The following NFIB variants were observed in gnomAD, a reference collection of about 807,000 sequenced individuals.
NFIB encodes nuclear factor 1 B-type.
A neutral mutation model predicts 61.5 loss-of-function variants in NFIB; 11 were observed. That is an observed-to-expected ratio of 0.18 (90% CI 0.11 to 0.30). NFIB has a LOEUF of 0.30. Ranked by LOEUF, NFIB falls within the 10% of genes least tolerant of loss-of-function variation. The pLI is 1.00. For synonymous variants in NFIB, 260 were observed against 216.5 expected (o/e 1.20, Z -1.76); for missense variants, 471 against 608.9 (o/e 0.77, Z 2.38).
chr9:14,187,444 T>C (rs551171046), intron 2 of NFIB, among the ~76,000 whole-genome samples: 2 of 152,330 alleles, frequency 1.3e-5, no homozygotes, highest in South Asian at 4.1e-4. Context: ...TTGTTTAACA[T>C]TGATTTTAAA....
At chr9:14,097,012 C>T (rs75832364) in intron 10 of NFIB, among the ~76,000 whole-genome samples, 2,681 of 152,170 alleles carry the variant, frequency 0.018, 32 homozygotes, top group Middle Eastern at 0.054. Flanking sequence ...GGCAAAACTA[C>T]GACAAATCCC....
intron 2 of NFIB, among the ~76,000 whole-genome samples, chr9:14,205,517 A>G (rs981069420): frequency 5.9e-5 from 9 of 152,002 alleles, no homozygotes; most frequent in Non-Finnish European, 1.3e-4. Flanking sequence ...CTATGTTCAC[A>G]GCAGCCAAAT....
the NFIB span, among the ~76,000 whole-genome samples, chr9:14,456,014 T>C: frequency 0.38 from 57,260 of 151,932 alleles, 11,579 homozygotes; most frequent in African/African-American, 0.51. Context: ...TTCATTTGGA[T>C]TGGCATCTGC....
intron 2 of NFIB, among the ~76,000 whole-genome samples, chr9:14,265,035 G>A (rs374123588): frequency 1.3e-5 from 2 of 152,104 alleles, no homozygotes; most frequent in African/African-American, 2.4e-5. Context: ...AACATGAGAC[G>A]CTCTGCAAGA....
In NFIB at chr9:14,082,858, C is replaced by G. The variant is rs1307149712; in HGVS notation, c.*5451G>C. On this transcript the variant is annotated 3_prime_UTR_variant, in exon 11 of 11. Coordinates refer to ENST00000380953, the MANE Select transcript of NFIB (RefSeq NM_001190737.2). Reference sequence around the variant, plus strand: ...GTCCCTGTAGCACAGTTTTCAAAACCATTCTGTCAAAAATACAGTAATACA... The same window carrying G: ...GTCCCTGTAGCACAGTTTTCAAAACGATTCTGTCAAAAATACAGTAATACA... 2 of 205,712 alleles carry G rather than the reference C, an allele frequency of 9.7e-6. No homozygotes were observed. The highest frequency in any genetic ancestry group is 1.9e-4 in the South Asian group (1 of 5,230). 12.7% of individuals were successfully genotyped at this position (205,712 alleles called of 1,614,324 possible).
At chr9:14,204,596 C>T (rs977127818) in intron 2 of NFIB, 35 of 1,070,662 alleles carry the variant, frequency 3.3e-5, no homozygotes, top group Non-Finnish European at 4.5e-5. Flanking sequence ...GCTGTTGGCC[C>T]GGGCGGAGAA....
chr9:14,458,248 A>G, the NFIB span, among the ~76,000 whole-genome samples: 2 of 152,260 alleles, frequency 1.3e-5, no homozygotes, highest in Non-Finnish European at 2.9e-5. Flanking sequence ...GCATATAAAC[A>G]GAACCAGTGA....
the NFIB span, among the ~76,000 whole-genome samples, chr9:14,474,389 A>T: frequency 6.6e-6 from 1 of 152,146 alleles, no homozygotes; most frequent in Non-Finnish European, 1.5e-5. Flanking sequence ...TCAAAACCTA[A>T]TCACCCCCCA....
chr9:14,446,282 T>C, the NFIB span, among the ~76,000 whole-genome samples: 5 of 152,224 alleles, frequency 3.3e-5, no homozygotes, highest in East Asian at 1.9e-4. Flanking sequence ...GTTGGAACAT[T>C]GTATCAGTTC....
chr9:14,443,439 C>G, the NFIB span, among the ~76,000 whole-genome samples: 7 of 152,172 alleles, frequency 4.6e-5, no homozygotes, highest in African/African-American at 1.7e-4. Context: ...TCAGGTGTCT[C>G]CCACCCACCT....
In NFIB at chr9:14,237,810, G is replaced by GTGTA. The variant is rs1563932587; in HGVS notation, c.563-58031_563-58030insTACA. ...TGTGTGTGTGTGTGTGTGTGTGTGT[G>GTGTA]TGTGTAAGCTCCTCACCCTGCTAGG... On this transcript the variant is annotated intron_variant, in intron 2 of 10. Coordinates refer to ENST00000380953, the MANE Select transcript of NFIB (RefSeq NM_001190737.2). Among the ~76,000 whole-genome samples the GTGTA allele has an allele frequency of 2.9e-5, 3 of 101,958 alleles. 1 individual carries two copies. Among genetic ancestry groups the GTGTA allele is most frequent in the African/African-American group, 7.4e-5 (2 of 27,028 alleles). 66.9% of individuals were successfully genotyped at this position (101,958 alleles called of 152,430 possible).
intron 2 of NFIB, among the ~76,000 whole-genome samples, chr9:14,184,783 G>T (rs545900349): frequency 6.6e-6 from 1 of 152,250 alleles, no homozygotes; most frequent in East Asian, 1.9e-4. Flanking sequence ...CACTTTTGGA[G>T]GCTGAGGCAG....
At chr9:14,510,395 T>C in the NFIB span, among the ~76,000 whole-genome samples, 3 of 152,200 alleles carry the variant, frequency 2.0e-5, no homozygotes, top group Non-Finnish European at 4.4e-5. Flanking sequence ...CACACTAGAA[T>C]AGACTCAATT....
intron 9 of NFIB, 125 bp from the exon 10 acceptor site, chr9:14,113,206 C>G: frequency 1.4e-6 from 1 of 717,658 alleles, no homozygotes; most frequent in Non-Finnish European, 2.2e-6. Context: ...CTTCATTTCT[C>G]TTCTCTTTTG....
intron 10 of NFIB, chr9:14,093,320 T>G (rs552609189): frequency 6.6e-6 from 1 of 152,240 alleles, no homozygotes; most frequent in African/African-American, 2.4e-5. Flanking sequence ...GGAACAATAG[T>G]ATTGTCCATT....
At chr9:14,424,652 C>T in the NFIB span, among the ~76,000 whole-genome samples, 1 of 152,166 alleles carries the variant, frequency 6.6e-6, no homozygotes, top group Admixed American at 6.5e-5. Flanking sequence ...AGTTATTGTT[C>T]ACTGCCTGCT....
chr9:14,277,119 AT>A (rs558696155), intron 2 of NFIB, among the ~76,000 whole-genome samples: 38 of 152,036 alleles, frequency 2.5e-4, no homozygotes, highest in Admixed American at 8.5e-4. Flanking sequence ...TTTTGAGGAG[AT>A]TTTTTTTAAA....
intron 2 of NFIB, among the ~76,000 whole-genome samples, chr9:14,292,604 G>C (rs906849889): frequency 4.6e-5 from 7 of 152,128 alleles, no homozygotes; most frequent in African/African-American, 1.7e-4. Flanking sequence ...TCTCTTCCCT[G>C]ACAGATACAG....
the NFIB span, among the ~76,000 whole-genome samples, chr9:14,458,407 AT>A: frequency 4.9e-4 from 75 of 152,372 alleles, no homozygotes; most frequent in African/African-American, 1.7e-3. Flanking sequence ...CACAGCCAAT[AT>A]CATACTGAAT....
Sources: allele counts gnomAD v4.1 joint callset (sites outside exome capture counted in the v4.1 genomes callset), GRCh38; gene constraint gnomAD v4.1.1; transcripts MANE v1.5; gene names NCBI Gene and HGNC (gene_info 2026-07-23, HGNC 2026-07-21).